Variants in PTPRD observed in about 807,000 individuals in gnomAD.
PTPRD encodes receptor-type tyrosine-protein phosphatase delta.
In PTPRD, 34 loss-of-function variants were observed where a neutral mutation model predicts 214.5. The observed-to-expected ratio is 0.16, with a 90% confidence interval of 0.12 to 0.21. PTPRD has a LOEUF of 0.21. Among genes scored for constraint, PTPRD ranks in the 10% least tolerant of loss-of-function variants. PTPRD has a pLI of 1.00. For synonymous variants in PTPRD, 1,128 were observed against 845.7 expected (o/e 1.33, Z -5.79); for missense variants, 2,545 against 2,398.7 (o/e 1.06, Z -1.27).
chr9:9,167,190 C>A (rs1178782576), intron 10 of PTPRD, among the ~76,000 whole-genome samples: 1 of 151,316 alleles, frequency 6.6e-6, no homozygotes, highest in African/African-American at 2.4e-5. Context: ...TTTAAATGCC[C>A]GTCATCCCTA....
chr9:10,577,688 GA>G (rs2069935740), intron 2 of PTPRD, among the ~76,000 whole-genome samples: 4 of 152,102 alleles, frequency 2.6e-5, no homozygotes, highest in Admixed American at 2.6e-4. Flanking sequence ...TGATTTACCA[GA>G]CTAAATGGTT....
intron 4 of PTPRD, among the ~76,000 whole-genome samples, chr9:10,019,172 A>T (rs1436385528): frequency 1.3e-5 from 2 of 152,202 alleles, no homozygotes; most frequent in Non-Finnish European, 2.9e-5. Context: ...AGACACATGA[A>T]AAAATGCTCA....
intron 11 of PTPRD, among the ~76,000 whole-genome samples, chr9:8,819,957 T>C (rs1273075765): frequency 2.0e-5 from 3 of 152,066 alleles, no homozygotes; most frequent in East Asian, 1.9e-4. Context: ...CCCCTGACAA[T>C]TGAGTTGAGT....
chr9:8,928,364 T>G (rs1344194175), intron 11 of PTPRD, among the ~76,000 whole-genome samples: 4 of 152,212 alleles, frequency 2.6e-5, no homozygotes, highest in Admixed American at 6.5e-5. Context: ...TAATCCATCT[T>G]TCATTAATTT....
At chr9:8,652,816 G>A (rs938356886) in intron 12 of PTPRD, among the ~76,000 whole-genome samples, 1 of 152,130 alleles carries the variant, frequency 6.6e-6, no homozygotes, top group Non-Finnish European at 1.5e-5. Flanking sequence ...AAGCATTTGG[G>A]AATGTATGCC....
At chr9:8,626,094 T>C (rs1297845706) in intron 14 of PTPRD, among the ~76,000 whole-genome samples, 3 of 151,838 alleles carry the variant, frequency 2.0e-5, no homozygotes, top group African/African-American at 7.2e-5. Context: ...CAATAAATTA[T>C]GCATGTACAA....
At chr9:9,744,816 C>T (rs1336783291) in intron 6 of PTPRD, among the ~76,000 whole-genome samples, 1 of 151,966 alleles carries the variant, frequency 6.6e-6, no homozygotes, top group Non-Finnish European at 1.5e-5. Flanking sequence ...TAATCTAATT[C>T]ATCACACAGC....
chr9:9,173,083 G>A (rs756247422), intron 10 of PTPRD, among the ~76,000 whole-genome samples: 2 of 152,162 alleles, frequency 1.3e-5, no homozygotes, highest in South Asian at 2.1e-4. Flanking sequence ...CTCCAGACAC[G>A]TGAGCCCTTC....
At chr9:9,866,301 G>C (rs903715017) in intron 5 of PTPRD, among the ~76,000 whole-genome samples, 4 of 151,118 alleles carry the variant, frequency 2.6e-5, no homozygotes, top group African/African-American at 9.9e-5. Context: ...ACATAGAAAA[G>C]TATTTCATAA....
At chr9:9,548,940 TCAGTAATTGA>T (rs1188176749) in intron 8 of PTPRD, among the ~76,000 whole-genome samples, 2 of 152,100 alleles carry the variant, frequency 1.3e-5, no homozygotes, top group Non-Finnish European at 2.9e-5. Context: ...ACTCTTGCTC[TCAGTAATTGA>T]CAGGAAAATC....
intron 3 of PTPRD, among the ~76,000 whole-genome samples, chr9:10,066,539 G>T (rs1320753625): frequency 6.6e-6 from 1 of 151,874 alleles, no homozygotes; most frequent in Non-Finnish European, 1.5e-5. Flanking sequence ...AAGCTGAAAT[G>T]GAGTAGCTCA....
At chr9:9,613,752 C>T (rs1299837737) in intron 7 of PTPRD, among the ~76,000 whole-genome samples, 2 of 152,290 alleles carry the variant, frequency 1.3e-5, no homozygotes, top group African/African-American at 4.8e-5. Flanking sequence ...GGCCCACCCC[C>T]TAGTCTACTA....
chr9:8,929,795 G>GTATATATATGTGTATATATA (rs1567062103), intron 11 of PTPRD, among the ~76,000 whole-genome samples: 4 of 112,668 alleles, frequency 3.6e-5, no homozygotes, highest in African/African-American at 1.5e-4. Flanking sequence ...GTATATATGT[G>GTATATATATGTGTATATATA]TGTGTATATA....
chr9:8,790,859 T>TA (rs1164916330), intron 11 of PTPRD, among the ~76,000 whole-genome samples: 41 of 152,104 alleles, frequency 2.7e-4, no homozygotes, highest in Non-Finnish European at 5.3e-4. Flanking sequence ...AATTTAAAAT[T>TA]AAAAGTAAAA....
chr9:9,700,119 A>C (rs767737930), intron 7 of PTPRD, among the ~76,000 whole-genome samples: 25 of 152,150 alleles, frequency 1.6e-4, no homozygotes, highest in Non-Finnish European at 2.9e-4. Context: ...AAGGTACTGA[A>C]CTATATATTT....
chr9:8,605,650 G>C (rs934682461), intron 14 of PTPRD, among the ~76,000 whole-genome samples: 1 of 152,150 alleles, frequency 6.6e-6, no homozygotes, highest in Non-Finnish European at 1.5e-5. Flanking sequence ...ATACTGTGAG[G>C]ATGAAAGGAG....
intron 7 of PTPRD, among the ~76,000 whole-genome samples, chr9:9,710,965 CGAGA>C (rs145139950): frequency 6.6e-6 from 1 of 151,586 alleles, no homozygotes; most frequent in Non-Finnish European, 1.5e-5. Context: ...AGCGAGCGAG[CGAGA>C]GAGAGCGTGT....
chr9:9,601,444 TATATAAAC>T (rs1173235920), intron 7 of PTPRD, among the ~76,000 whole-genome samples: 3 of 152,044 alleles, frequency 2.0e-5, no homozygotes, highest in African/African-American at 7.2e-5. Context: ...TGTTTCACCA[TATATAAAC>T]ATATAAACAA....
At chr9:10,243,384 T>G (rs1260302910) in intron 3 of PTPRD, among the ~76,000 whole-genome samples, 1 of 152,032 alleles carries the variant, frequency 6.6e-6, no homozygotes, top group Non-Finnish European at 1.5e-5. Context: ...CCTTGTGTAT[T>G]GCAAAATTTC....
Sources: gnomAD v4.1 joint callset for allele counts (sites outside exome capture counted in the v4.1 genomes callset) on GRCh38, gnomAD v4.1.1 for gene constraint, MANE v1.5 for transcripts, NCBI Gene and HGNC (gene_info 2026-07-23, HGNC 2026-07-21) for gene names.